Variants in TSNARE1 observed in about 807,000 individuals in gnomAD.
The protein encoded by TSNARE1 is t-SNARE domain-containing protein 1.
Under a neutral mutation model 62.0 loss-of-function variants are expected in TSNARE1, and 49 were observed. The observed-to-expected ratio is 0.79, with a 90% CI of 0.63 to 1.00. The LOEUF (loss-of-function observed/expected upper bound fraction) is 1.00. Ranked by LOEUF, TSNARE1 falls within the 50% of genes least tolerant of loss-of-function variation. TSNARE1 has a pLI of 0.00. For missense variants in TSNARE1, 755 were observed against 700.1 expected (o/e 1.08, Z -0.88); for synonymous variants, 328 against 294.4 (o/e 1.11, Z -1.17).
chr8:142,270,180 G>A (rs1819394932), intron 12 of TSNARE1: 11 of 985,418 alleles, frequency 1.1e-5, no homozygotes, highest in Non-Finnish European at 1.3e-5. Context: ...TGCAGACTGT[G>A]CCCTGCCGCG....
At chr8:142,286,928 T>A (rs373112463) in intron 10 of TSNARE1, among the ~76,000 whole-genome samples, 1 of 152,288 alleles carries the variant, frequency 6.6e-6, no homozygotes, top group Non-Finnish European at 1.5e-5. Context: ...CATCTCCTCA[T>A]GCGGCATGTG....
At chr8:142,339,433 G>A (rs1414095468) in intron 4 of TSNARE1, among the ~76,000 whole-genome samples, 1 of 152,120 alleles carries the variant, frequency 6.6e-6, no homozygotes, top group Non-Finnish European at 1.5e-5. Flanking sequence ...TGAGGCAGGG[G>A]AAGCCAGGGC....
intron 12 of TSNARE1, among the ~76,000 whole-genome samples, chr8:142,252,733 GTCTCCAT>G (rs1818236341): frequency 6.6e-6 from 1 of 152,216 alleles, no homozygotes; most frequent in African/African-American, 2.4e-5. Flanking sequence ...CACCCCTGCT[GTCTCCAT>G]TCTTGTGTGC....
At chr8:142,257,109 G>A (rs918091840) in intron 12 of TSNARE1, among the ~76,000 whole-genome samples, 1 of 152,188 alleles carries the variant, frequency 6.6e-6, no homozygotes, top group Non-Finnish European at 1.5e-5. Context: ...CAGACACCCT[G>A]ACGTGGGGCG....
At chr8:142,254,992 G>C (rs1818352985) in intron 12 of TSNARE1, among the ~76,000 whole-genome samples, 1 of 152,108 alleles carries the variant, frequency 6.6e-6, no homozygotes, top group Admixed American at 6.5e-5. Context: ...GGGTGGTTTG[G>C]GGGGATAGAC....
At chr8:142,257,598 G>C (rs1366568174) in intron 12 of TSNARE1, among the ~76,000 whole-genome samples, 1 of 152,166 alleles carries the variant, frequency 6.6e-6, no homozygotes, top group Non-Finnish European at 1.5e-5. Flanking sequence ...GGTCCAGGCT[G>C]ACAGGCTGGG....
At chr8:142,306,674 A>G (rs1211180629) in intron 9 of TSNARE1, among the ~76,000 whole-genome samples, 3 of 152,206 alleles carry the variant, frequency 2.0e-5, no homozygotes, top group African/African-American at 7.2e-5. Context: ...CCCCCACATC[A>G]GCCTAGCATC....
rs1476500469 is a variant in TSNARE1 at position 142,319,921 on chromosome 8, C to A, written c.894-1287G>T. Among the ~76,000 whole-genome samples, 2 of 152,176 alleles carry A rather than the reference C, an allele frequency of 1.3e-5. No homozygotes were observed. Among genetic ancestry groups the A allele is most frequent in the African/African-American group, 2.4e-5 (1 of 41,446 alleles). Reference sequence around the variant, plus strand: ...TTCTTCCCCGGGGCCTTGGTCAGGGCCGCCTCCTCCTGCAGCTGGCGTCTG... The same window carrying A: ...TTCTTCCCCGGGGCCTTGGTCAGGGACGCCTCCTCCTGCAGCTGGCGTCTG... On this transcript the variant is annotated intron_variant, in intron 6 of 13. Transcript: ENST00000524325. This position sits in a 1 kb window ranked among gnomAD's most constrained non-coding sequence, Gnocchi z 4.9.
intron 1 of TSNARE1, among the ~76,000 whole-genome samples, chr8:142,382,284 C>T (rs563196192): frequency 4.6e-5 from 7 of 152,334 alleles, no homozygotes; most frequent in Non-Finnish European, 2.9e-5. Context: ...CCAGGCACCT[C>T]GTAGACCACG....
chr8:142,354,978 G>A lies in TSNARE1; in HGVS notation c.-39-215C>T, dbSNP rs117862544. 9.8e-3 allele frequency among the ~76,000 whole-genome samples: 1,490 copies of A among 151,386 alleles called. 13 individuals carry two copies. The highest frequency in any genetic ancestry group is 0.02 in the East Asian group (104 of 5,114). ...GTGGCCTCTTGGTCCACTGGTCCCTGCAGGAACACAGAAACACAGCCTGAG... is the reference window on the plus strand; with the variant it reads ...GTGGCCTCTTGGTCCACTGGTCCCTACAGGAACACAGAAACACAGCCTGAG... On this transcript the variant is annotated intron_variant, in intron 1 of 13. Coordinates refer to ENST00000524325, the MANE Select transcript of TSNARE1 (RefSeq NM_145003.5).
At chr8:142,300,399 G>C in intron 10 of TSNARE1, 87 bp downstream of exon 10, 1 of 1,469,476 alleles carries the variant, frequency 6.8e-7, no homozygotes, top group Non-Finnish European at 9.1e-7. Flanking sequence ...GCAAGCAATG[G>C]TGCAGCAGGC....
chr8:142,263,112 G>A (rs1338321218), intron 12 of TSNARE1, among the ~76,000 whole-genome samples: 1 of 152,138 alleles, frequency 6.6e-6, no homozygotes, highest in Admixed American at 6.5e-5. Flanking sequence ...TTTTAAAGGA[G>A]GGCTCCTCAT....
chr8:142,378,200 G>A (rs1381114512), intron 1 of TSNARE1, among the ~76,000 whole-genome samples: 1 of 152,178 alleles, frequency 6.6e-6, no homozygotes, highest in Non-Finnish European at 1.5e-5. Context: ...GTCCACACAC[G>A]GGAACACCGC....
At chr8:142,303,199 C>T (rs563967662) in intron 9 of TSNARE1, among the ~76,000 whole-genome samples, 21 of 152,312 alleles carry the variant, frequency 1.4e-4, no homozygotes, top group African/African-American at 4.8e-4. Context: ...AGCTGCCTCA[C>T]CATGCCATGT....
At chr8:142,337,306 C>T (rs955744128) in intron 4 of TSNARE1, among the ~76,000 whole-genome samples, 1 of 152,222 alleles carries the variant, frequency 6.6e-6, no homozygotes, top group Non-Finnish European at 1.5e-5. Context: ...ACCAACCCTA[C>T]GGCCAGCAAT....
intron 4 of TSNARE1, among the ~76,000 whole-genome samples, chr8:142,343,070 A>G (rs1942296946): frequency 6.6e-6 from 1 of 152,182 alleles, no homozygotes; most frequent in Non-Finnish European, 1.5e-5. Flanking sequence ...GACCTCCTGC[A>G]GACCTCCCTG....
intron 1 of TSNARE1, among the ~76,000 whole-genome samples, chr8:142,398,343 AG>A (rs1235263095): frequency 8.4e-6 from 1 of 118,520 alleles, no homozygotes; most frequent in Non-Finnish European, 1.7e-5. Flanking sequence ...ACACACCCCT[AG>A]CCCTGCCCAA....
intron 11 of TSNARE1, chr8:142,276,867 C>T (rs1820586425): frequency 2.0e-6 from 2 of 985,458 alleles, no homozygotes; most frequent in Non-Finnish European, 2.4e-6. Flanking sequence ...ATTCAAGACA[C>T]CTCACACAAC....
chr8:142,252,825 G>T (rs1344392021), intron 12 of TSNARE1, among the ~76,000 whole-genome samples: 2 of 152,178 alleles, frequency 1.3e-5, no homozygotes, highest in Admixed American at 1.3e-4. Context: ...GACCTGGCAG[G>T]TCCTCCCCTC....
Sources: gnomAD v4.1 joint callset for allele counts (sites outside exome capture counted in the v4.1 genomes callset) on GRCh38, gnomAD v4.1.1 for gene constraint, Gnocchi (gnomAD v3.1) non-coding constraint, MANE v1.5 for transcripts, NCBI Gene and HGNC (gene_info 2026-07-23, HGNC 2026-07-21) for gene names.